Variants in COL26A1 observed in about 807,000 individuals in gnomAD.
COL26A1 encodes the protein collagen type XXVI alpha 1 chain.
COL26A1 carries 41 observed loss-of-function variants against 59.3 expected under a neutral mutation model. That is an observed-to-expected ratio of 0.69 (90% confidence interval 0.54 to 0.90). The LOEUF (loss-of-function observed/expected upper bound fraction) is 0.90, where lower values mean the gene tolerates loss of function less well. COL26A1 is among the 40% of genes least tolerant of loss of function. COL26A1 has a pLI of 0.00. For missense variants in COL26A1, 612 were observed against 602.3 expected, an observed-to-expected ratio of 1.02 and a Z score of -0.17; for synonymous variants, 266 against 256.0, an observed-to-expected ratio of 1.04 and a Z score of -0.37.
rs370536306 is a variant in COL26A1, at chr7:101,525,444, G to A, written c.386-7638G>A. Among the ~76,000 whole-genome samples the A allele has an allele frequency of 3.9e-4, 58 of 150,340 alleles. 3 individuals carry two copies. The East Asian group carries it at 4.5e-3, about 12-fold the overall frequency. Reference sequence around the variant, plus strand: ...GATCTGCCCTCCTCAGCCTCCCAAAGTGCTGAGATTACAGGTGTGAGCCAC... The same window carrying A: ...GATCTGCCCTCCTCAGCCTCCCAAAATGCTGAGATTACAGGTGTGAGCCAC... On this transcript the variant is annotated intron_variant, in intron 3 of 12. Transcript: ENST00000313669.
chr7:101,524,942 C>T (rs1473577172), intron 3 of COL26A1, among the ~76,000 whole-genome samples: 1 of 152,136 alleles, frequency 6.6e-6, no homozygotes, highest in Non-Finnish European at 1.5e-5. Flanking sequence ...ACAGACTCTG[C>T]CAGCCAAGTC....
chr7:101,425,838 T>C, intron 2 of COL26A1, among the ~76,000 whole-genome samples: 1 of 150,300 alleles, frequency 6.7e-6, no homozygotes, highest in African/African-American at 2.5e-5. Flanking sequence ...TTTTTTTTTT[T>C]TTTTTGGAGA....
rs145643486 is a variant in COL26A1 at position 101,390,449 on chromosome 7, A to T, written c.158+27259A>T. On this transcript the variant is annotated intron_variant, in intron 1 of 12. Transcript: ENST00000313669. Reference sequence around the variant, plus strand: ...GGCTTTAGTTTTGTTTTGGTGAGACAGGGTCTTGCTCTGTTGTTCAGGCTG... The same window carrying T: ...GGCTTTAGTTTTGTTTTGGTGAGACTGGGTCTTGCTCTGTTGTTCAGGCTG... Among the ~76,000 whole-genome samples, 203 of 152,214 alleles carry T rather than the reference A, an allele frequency of 1.3e-3. 1 individual carries two copies. The highest frequency in any genetic ancestry group is 4.7e-3 in the African/African-American group (194 of 41,548).
intron 1 of COL26A1, among the ~76,000 whole-genome samples, chr7:101,387,778 A>ATATTTTTTTTTT (rs773025730): frequency 1.2e-5 from 1 of 84,836 alleles, no homozygotes; most frequent in African/African-American, 5.0e-5. Flanking sequence ...ATATATATAT[A>ATATTTTTTTTTT]TTTTTTTTTA....
intron 2 of COL26A1, among the ~76,000 whole-genome samples, chr7:101,430,306 C>G (rs117303302): frequency 6.6e-6 from 1 of 151,932 alleles, no homozygotes; most frequent in Non-Finnish European, 1.5e-5. Context: ...TTTCTTTCGA[C>G]GGAGTCTCAC....
chr7:101,424,021 C>CA (rs1312566506), intron 2 of COL26A1, among the ~76,000 whole-genome samples: 1 of 150,210 alleles, frequency 6.7e-6, no homozygotes, highest in Non-Finnish European at 1.5e-5. Context: ...CTGGGCAACA[C>CA]AGTGAGACCC....
chr7:101,407,014 G>A (rs17135400), intron 1 of COL26A1, among the ~76,000 whole-genome samples: 5,789 of 152,124 alleles, frequency 0.038, 116 homozygotes, highest in East Asian at 0.043. Flanking sequence ...TTTCCAATAG[G>A]GTGAGTCTCC....
At chr7:101,524,033 G>C (rs951322863) in intron 3 of COL26A1, among the ~76,000 whole-genome samples, 21 of 152,178 alleles carry the variant, frequency 1.4e-4, no homozygotes, top group African/African-American at 5.1e-4. Flanking sequence ...ACTTTGGGAG[G>C]CTCAAGTGGG....
At chr7:101,549,949 C>T (rs199935305) in intron 9 of COL26A1, among the ~76,000 whole-genome samples, 3 of 152,306 alleles carry the variant, frequency 2.0e-5, no homozygotes, top group Admixed American at 6.5e-5. Flanking sequence ...CAGGTTCGCC[C>T]TGCCTCTGCA....
intron 1 of COL26A1, among the ~76,000 whole-genome samples, chr7:101,411,904 C>T (rs1792249177): frequency 6.6e-6 from 1 of 152,078 alleles, no homozygotes; most frequent in African/African-American, 2.4e-5. Context: ...TGCCACTGCA[C>T]TCCAACCTGG....
Position 101,547,156 on chromosome 7 carries a change from A to C in COL26A1, c.857A>C (p.Asn286Thr). 1 of 1,591,964 alleles carries C rather than the reference A, an allele frequency of 6.3e-7. No individual in the cohort carries two copies. ...YSLQPPTDKD[N>T]GDSRLASAIV... is the part of the protein sequence containing the mutation. ...CCTGGCCGCTCCGCTCTTCCCACAGATGGAGACTCAAGGCTGGCCTCTGCC... is the reference window on the plus strand; with the variant it reads ...CCTGGCCGCTCCGCTCTTCCCACAGCTGGAGACTCAAGGCTGGCCTCTGCC... Residue 286 changes from asparagine (N) to threonine (T), a missense_variant and splice_region_variant, in exon 8 of 13, where the codon AAT becomes ACT. Physicochemically the swap from Asn to Thr is moderately conservative, Grantham distance 65. Coordinates refer to ENST00000313669, the MANE Select transcript of COL26A1 (RefSeq NM_001278563.3).
intron 3 of COL26A1, among the ~76,000 whole-genome samples, chr7:101,476,697 G>A (rs372006508): frequency 8.0e-4 from 118 of 146,642 alleles, no homozygotes; most frequent in African/African-American, 2.7e-3. Flanking sequence ...ACAGGCGCCC[G>A]CCACCACACC....
chr7:101,498,670 C>T (rs970967806), intron 3 of COL26A1, among the ~76,000 whole-genome samples: 2 of 152,160 alleles, frequency 1.3e-5, no homozygotes, highest in African/African-American at 4.8e-5. Flanking sequence ...GGATTTATTT[C>T]GTGATGTTGC....
intron 11 of COL26A1, among the ~76,000 whole-genome samples, chr7:101,553,714 C>T (rs1290964296): frequency 6.6e-6 from 1 of 152,194 alleles, no homozygotes; most frequent in African/African-American, 2.4e-5. Flanking sequence ...CAGAGTCCCT[C>T]TCAACGGACC....
intron 1 of COL26A1, among the ~76,000 whole-genome samples, chr7:101,407,738 T>C (rs1792160212): frequency 6.6e-6 from 1 of 151,754 alleles, no homozygotes; most frequent in African/African-American, 2.4e-5. Flanking sequence ...CCTAGCACCA[T>C]AACGATTTAC....
chr7:101,511,608 A>G (rs1348029519), intron 3 of COL26A1, among the ~76,000 whole-genome samples: 1 of 152,240 alleles, frequency 6.6e-6, no homozygotes, highest in Non-Finnish European at 1.5e-5. Context: ...GTCCCAGGAC[A>G]TAGGATTGTC....
At chr7:101,525,171 CTTTTTTTTTT>C (rs34881584) in intron 3 of COL26A1, among the ~76,000 whole-genome samples, 6 of 73,840 alleles carry the variant, frequency 8.1e-5, no homozygotes, top group East Asian at 3.6e-4. Context: ...TGACTTCATT[CTTTTTTTTTT>C]TTTTTTTTTT....
Position 101,545,323 on chromosome 7 carries a change from T to C in COL26A1, c.704-15T>C. On this transcript the variant is annotated splice_polypyrimidine_tract_variant and intron_variant, in intron 6 of 12. Coordinates refer to ENST00000313669, the MANE Select transcript of COL26A1 (RefSeq NM_001278563.3). The stretch of plus-strand genomic sequence containing the variant: ...GCTCCGGCTGCCACAGTGACTGTTC[T>C]TTTCCTCATTGCAGGGCTCCTGGGG... 6.4e-7 allele frequency: 1 copy of C among 1,553,272 alleles called. No individual in the cohort carries two copies. Among genetic ancestry groups the C allele is most frequent in the Non-Finnish European group, 8.6e-7 (1 of 1,157,948 alleles).
At chr7:101,499,218 A>G (rs1794650912) in intron 3 of COL26A1, among the ~76,000 whole-genome samples, 1 of 152,106 alleles carries the variant, frequency 6.6e-6, no homozygotes, top group Non-Finnish European at 1.5e-5. Context: ...CCCAGCCATC[A>G]CAAGGTGGGC....
Sources: allele counts gnomAD v4.1 joint callset (sites outside exome capture counted in the v4.1 genomes callset), GRCh38; gene constraint gnomAD v4.1.1; transcripts MANE v1.5; gene names NCBI Gene and HGNC (gene_info 2026-07-23, HGNC 2026-07-21).